Variants in CFAP161 observed in about 807,000 individuals in gnomAD.
The protein encoded by CFAP161 is cilia and flagella associated protein 161.
A neutral mutation model predicts 29.0 loss-of-function variants in CFAP161; 25 were observed. The ratio of observed to expected loss-of-function variants is 0.86; its 90% CI spans 0.63 to 1.20. The LOEUF (loss-of-function observed/expected upper bound fraction) is 1.20, where lower values mean the gene tolerates loss of function less well. Among genes scored for constraint, CFAP161 ranks in the 50% most tolerant of loss-of-function variants. The pLI, the probability that CFAP161 is intolerant of heterozygous loss-of-function variation, is 0.00. For synonymous variants in CFAP161, 116 were observed against 137.4 expected, an observed-to-expected ratio of 0.84 and a Z score of 1.09; for missense variants, 367 against 371.9, an observed-to-expected ratio of 0.99 and a Z score of 0.11.
At chr15:81,136,974 T>G (rs112715875) in intron 3 of CFAP161, among the ~76,000 whole-genome samples, 2,452 of 152,286 alleles carry the variant, frequency 0.016, 65 homozygotes, top group African/African-American at 0.053. Context: ...AATGCTTAAA[T>G]CATGAGTATA....
At chr15:81,127,511 C>T (rs1024615033) in intron 1 of CFAP161, 1 of 152,126 alleles carries the variant, frequency 6.6e-6, no homozygotes, top group African/African-American at 2.4e-5. Context: ...TGTATTTATA[C>T]CAGAAAGGAC....
Position 81,148,613 on chromosome 15 carries a change from G to T in CFAP161, c.*80G>T. On this transcript the variant is annotated 3_prime_UTR_variant, in exon 7 of 7. Coordinates refer to ENST00000286732, the MANE Select transcript of CFAP161 (RefSeq NM_173528.4). Reference sequence around the variant, plus strand: ...AAAAGAAATTAACAACCTTGGTCATGCCTCAAGCTATTTTTGAATCAGATG... The same window carrying T: ...AAAAGAAATTAACAACCTTGGTCATTCCTCAAGCTATTTTTGAATCAGATG... The T allele has an allele frequency of 7.3e-7, 1 of 1,364,664 alleles. No homozygotes were observed. The highest frequency in any genetic ancestry group is 2.3e-5 in the East Asian group (1 of 42,776). 84.5% of individuals were successfully genotyped at this position (1,364,664 alleles called of 1,614,324 possible). A position where few individuals can be genotyped will look rare whatever the true frequency, so the allele number is the denominator to read the frequency against.
At position 81,125,759 on chromosome 15, in the gene CFAP161, C is replaced by T. The variant is rs112114967; in HGVS notation, c.-141-1831C>T. Among the ~76,000 whole-genome samples the T allele has an allele frequency of 2.3e-3, 356 of 152,188 alleles. 1 individual carries two copies. The highest frequency in any genetic ancestry group is 8.2e-3 in the African/African-American group (342 of 41,518). ...ATACAACATGATAAATGTACATATC[C>T]GTAACACATCTAAACACATATACAC... On this transcript the variant is annotated intron_variant, in intron 1 of 4. Coordinates refer to the CFAP161 transcript ENST00000560091.
At chr15:81,121,751 G>A (rs1345867667) in intron 1 of CFAP161, among the ~76,000 whole-genome samples, 5 of 152,116 alleles carry the variant, frequency 3.3e-5, no homozygotes, top group African/African-American at 4.8e-5. Flanking sequence ...TGCGGGATGT[G>A]CAGATTTGTT....
intron 1 of CFAP161, among the ~76,000 whole-genome samples, chr15:81,107,305 GT>G (rs1894384097): frequency 6.6e-6 from 1 of 152,194 alleles, no homozygotes; most frequent in Non-Finnish European, 1.5e-5. Flanking sequence ...CGTGAGTGAG[GT>G]TATTTCTCCA....
At chr15:81,135,673 A>G (rs919083646) in intron 2 of CFAP161, among the ~76,000 whole-genome samples, 1 of 152,014 alleles carries the variant, frequency 6.6e-6, no homozygotes, top group Non-Finnish European at 1.5e-5. Flanking sequence ...AGCTTCATCC[A>G]TGTCCCTACA....
intron 1 of CFAP161, among the ~76,000 whole-genome samples, chr15:81,105,142 T>TC (rs1894350288): frequency 1.9e-4 from 2 of 10,282 alleles, no homozygotes; most frequent in Non-Finnish European, 4.4e-4. Context: ...CCCCCTCCCC[T>TC]CCCTCCCTCC....
chr15:81,133,236 T>A (rs1390607016), upstream of CFAP161, among the ~76,000 whole-genome samples: 17 of 132,680 alleles, frequency 1.3e-4, no homozygotes, highest in Admixed American at 4.0e-4. Context: ...TATTTTTTTT[T>A]AAATTGGAGA....
chr15:81,133,232 T>TC (rs2141876416), upstream of CFAP161, among the ~76,000 whole-genome samples: 1 of 111,570 alleles, frequency 9.0e-6, no homozygotes, highest in Admixed American at 9.4e-5. Flanking sequence ...TATGTATTTT[T>TC]TTTTAAATTG....
At chr15:81,110,938 A>G (rs892919672) in intron 1 of CFAP161, among the ~76,000 whole-genome samples, 4 of 152,172 alleles carry the variant, frequency 2.6e-5, no homozygotes, top group Non-Finnish European at 4.4e-5. Context: ...ATAGATGGAG[A>G]CAAAAAAGAC....
upstream of CFAP161, among the ~76,000 whole-genome samples, chr15:81,133,201 ATATATATATATATATATATATATGTATT>A (rs1291624559): frequency 2.0e-4 from 12 of 58,674 alleles, 1 homozygote; most frequent in Non-Finnish European, 2.6e-4. Context: ...ATATATATAT[ATATATATATATATATATATATATGTATT>A]TTTTTTTAAA....
intron 2 of CFAP161, among the ~76,000 whole-genome samples, 186 bp from the exon 3 acceptor site, chr15:81,136,330 T>C (rs528150370): frequency 1.3e-5 from 2 of 152,166 alleles, no homozygotes; most frequent in Non-Finnish European, 2.9e-5. Flanking sequence ...TCGACTTCAT[T>C]TGGAATTATT....
intron 4 of CFAP161, among the ~76,000 whole-genome samples, chr15:81,141,135 C>T (rs990750950): frequency 6.6e-6 from 1 of 152,110 alleles, no homozygotes; most frequent in Non-Finnish European, 1.5e-5. Context: ...TAAGTAAATT[C>T]ACATATTTAG....
In CFAP161 at chr15:81,148,062, A is replaced by T. The variant is rs142968117; in HGVS notation, c.710+131A>T. 769 of 749,744 alleles carry T rather than the reference A, an allele frequency of 1.0e-3. 4 individuals carry two copies. The highest frequency in any genetic ancestry group is 1.1e-3 in the Admixed American group (38 of 33,356). 46.4% of individuals were successfully genotyped at this position (749,744 alleles called of 1,614,324 possible). A position where few individuals can be genotyped will look rare whatever the true frequency, so the allele number is the denominator to read the frequency against. On this transcript the variant is annotated intron_variant, in intron 6 of 6. Transcript: ENST00000286732. ...TCCTTTGCTGATGAAATACCGCCACATAGAACTTCAATGGTGTGAAAAATC... is the reference window on the plus strand; with the variant it reads ...TCCTTTGCTGATGAAATACCGCCACTTAGAACTTCAATGGTGTGAAAAATC...
chr15:81,136,512 G>A lies in CFAP161; in HGVS notation c.160-4G>A. ...TATGTAATAAACTACTATCAAAATT[G>A]TAGATGCAACTTTCCGTAACTGAAG... On this transcript the variant is annotated splice_region_variant and splice_polypyrimidine_tract_variant and intron_variant, in intron 2 of 6. Transcript: ENST00000286732. 1.2e-6 allele frequency: 2 copies of A among 1,613,470 alleles called. No homozygotes were observed. Among genetic ancestry groups the A allele is most frequent in the Non-Finnish European group, 1.7e-6 (2 of 1,179,356 alleles).
chr15:81,146,279 G>A (rs1895004416), intron 5 of CFAP161, among the ~76,000 whole-genome samples: 1 of 152,096 alleles, frequency 6.6e-6, no homozygotes, highest in African/African-American at 2.4e-5. Context: ...ACTTACATGA[G>A]TCAGGATTTT....
In CFAP161 at chr15:81,134,358, TC is replaced by T. The variant is rs755554296; in HGVS notation, c.31del (p.Arg11GlyfsTer2). The T allele has an allele frequency of 6.3e-7, 1 of 1,591,070 alleles. No individual in the cohort carries two copies. The highest frequency in any genetic ancestry group is 8.5e-7 in the Non-Finnish European group (1 of 1,169,986). On this transcript the variant is annotated frameshift_variant, in exon 1 of 7. Transcript: ENST00000286732. LOFTEE classifies it high-confidence loss of function. MAQNVYGPG[V>X]RIGNWNEDVY... ...GCGCAGAACGTGTATGGTCCGGGAG[TC>T]CGGATAGGCAACTGGAATGAGGATG...
chr15:81,101,284 T>C (rs752832657), intron 1 of CFAP161, among the ~76,000 whole-genome samples: 1 of 151,264 alleles, frequency 6.6e-6, no homozygotes, highest in Non-Finnish European at 1.5e-5. Context: ...CCCAGCACTT[T>C]GGGAGGCTGA....
chr15:81,143,190 G>C (rs1274708766), intron 4 of CFAP161, among the ~76,000 whole-genome samples: 5 of 151,958 alleles, frequency 3.3e-5, no homozygotes, highest in African/African-American at 7.3e-5. Flanking sequence ...GTGTGCACCT[G>C]CAGTCCCAGC....
Sources: gnomAD v4.1 joint callset for allele counts (sites outside exome capture counted in the v4.1 genomes callset) on GRCh38, gnomAD v4.1.1 for gene constraint, MANE v1.5 for transcripts, NCBI Gene and HGNC (gene_info 2026-07-23, HGNC 2026-07-21) for gene names.